NRSN1: variants seen among roughly 807,000 people sequenced by gnomAD.
NRSN1 encodes the protein neurensin 1.
A neutral mutation model predicts 17.3 loss-of-function variants in NRSN1; 14 were observed. The observed-to-expected ratio is 0.81, with a 90% confidence interval of 0.54 to 1.27. The LOEUF (loss-of-function observed/expected upper bound fraction) is 1.27. Ranked by LOEUF, NRSN1 falls within the 50% of genes most tolerant of loss-of-function variation. The pLI, the probability that NRSN1 is intolerant of heterozygous loss-of-function variation, is 0.00. For missense variants in NRSN1, 209 were observed against 235.9 expected (o/e 0.89, Z 0.75); for synonymous variants, 79 against 94.2 (o/e 0.84, Z 0.93).
intron 2 of NRSN1, chr6:24,129,749 A>G (rs1760000493): frequency 6.6e-6 from 1 of 152,200 alleles, no homozygotes; most frequent in Non-Finnish European, 1.5e-5. Flanking sequence ...ATAACAGTGC[A>G]TGCAATTGAG....
intron 2 of NRSN1, among the ~76,000 whole-genome samples, chr6:24,130,680 TA>T (rs1461589219): frequency 6.6e-6 from 1 of 152,168 alleles, no homozygotes; most frequent in Non-Finnish European, 1.5e-5. Flanking sequence ...AGCAAGTAAC[TA>T]ACCTAACTAG....
intron 2 of NRSN1, among the ~76,000 whole-genome samples, chr6:24,132,819 T>C (rs1481993687): frequency 6.6e-6 from 1 of 152,182 alleles, no homozygotes; most frequent in Admixed American, 6.5e-5. Context: ...GCATTAGGTA[T>C]TTGTCCTAAT....
chr6:24,137,914 CA>C (rs1445850550), intron 3 of NRSN1, among the ~76,000 whole-genome samples: 3 of 151,954 alleles, frequency 2.0e-5, no homozygotes, highest in Non-Finnish European at 4.4e-5. Context: ...AAAAGTATTG[CA>C]AAAGCTAAGA....
At position 24,145,693 on chromosome 6, in the gene NRSN1, T is replaced by C; in HGVS notation, c.335T>C (p.Leu112Pro). ...DTHAVQFNSA[L>P]DMYKLAGAVL... ...CATGCTGTCCAGTTTAACAGTGCTC[T>C]GGACATGTACAAGCTGGCAGGAGCT... The change falls in exon 4 of 4, where the codon CTG (leucine) becomes CCG (proline). Residue 112 changes from leucine (L) to proline (P), a missense_variant. Transcript: ENST00000378491. This position sits in a 1 kb window ranked among gnomAD's most constrained non-coding sequence, Gnocchi z 4.4. 1 of 1,614,240 alleles carries C rather than the reference T, an allele frequency of 6.2e-7. No individual in the cohort carries two copies. The highest frequency in any genetic ancestry group is 1.1e-5 in the South Asian group (1 of 91,082).
chr6:24,135,030 G>A (rs1304506338), intron 3 of NRSN1, among the ~76,000 whole-genome samples: 1 of 152,218 alleles, frequency 6.6e-6, no homozygotes, highest in Non-Finnish European at 1.5e-5. Context: ...AATCTCATTA[G>A]ACAATGTATT....
intron 1 of NRSN1, among the ~76,000 whole-genome samples, chr6:24,126,625 C>A (rs1159983706): frequency 6.6e-6 from 1 of 152,050 alleles, no homozygotes; most frequent in East Asian, 1.9e-4. Flanking sequence ...GGGTGGGGCA[C>A]GAGGGGCGTA....
At chr6:24,137,950 A>G (rs977310773) in intron 3 of NRSN1, among the ~76,000 whole-genome samples, 21 of 152,284 alleles carry the variant, frequency 1.4e-4, no homozygotes, top group African/African-American at 5.1e-4. Flanking sequence ...CAGCATGTTC[A>G]GGAGACTGCA....
At position 24,146,728 on chromosome 6, in the gene NRSN1, T is replaced by A. The variant is rs149130812; in HGVS notation, c.*782T>A. ...CAGGATCTTGCTGTCCAATTTTTTT[T>A]AAAAAGCTAAAATTGCCAACTTTAG... On this transcript the variant is annotated 3_prime_UTR_variant, in exon 4 of 4. Coordinates refer to ENST00000378491, the MANE Select transcript of NRSN1 (RefSeq NM_080723.5). 8.2e-3 allele frequency: 1,267 copies of A among 153,778 alleles called. 17 individuals carry two copies. The highest frequency in any genetic ancestry group is 0.024 in the African/African-American group (993 of 41,552). 9.5% of individuals were successfully genotyped at this position (153,778 alleles called of 1,614,324 possible).
At chr6:24,133,008 C>G (rs1456316848) in intron 2 of NRSN1, among the ~76,000 whole-genome samples, 1 of 152,056 alleles carries the variant, frequency 6.6e-6, no homozygotes, top group Non-Finnish European at 1.5e-5. Flanking sequence ...CTGACAATTC[C>G]CTTATTCAAC....
intron 3 of NRSN1, among the ~76,000 whole-genome samples, chr6:24,134,971 C>T (rs375525594): frequency 6.6e-6 from 1 of 152,132 alleles, no homozygotes; most frequent in Non-Finnish European, 1.5e-5. Context: ...CCGTCTCTAC[C>T]GAGTGTGTGA....
In NRSN1 at chr6:24,136,543, C is replaced by CAA. The variant is rs35922116; in HGVS notation, c.189+2038_189+2039dup. 7.8e-4 allele frequency among the ~76,000 whole-genome samples: 110 copies of CAA among 141,532 alleles called. 1 individual carries two copies. In the East Asian group the frequency reaches 0.014, roughly 18 times the overall value. 92.9% of individuals were successfully genotyped at this position (141,532 alleles called of 152,430 possible). A position where few individuals can be genotyped will look rare whatever the true frequency, so the allele number is the denominator to read the frequency against. ...TGTGGGTGGTTGTTTCCCTATTTGT[C>CAA]AAAAAAAAAAAAGCATTTGCCTGAC... On this transcript the variant is annotated intron_variant, in intron 3 of 3. Coordinates refer to ENST00000378491, the MANE Select transcript of NRSN1 (RefSeq NM_080723.5).
Position 24,146,241 on chromosome 6 carries a change from CG to C in NRSN1, c.*296del. 3 of 620,690 alleles carry C rather than the reference CG, an allele frequency of 4.8e-6. No homozygotes were observed. The highest frequency in any genetic ancestry group is 4.5e-5 in the South Asian group (3 of 65,958). The allele number at this position is 620,690 out of a possible 1,614,324, so 38.4% of individuals were successfully genotyped here. ...TAGATCGTGACTTTGTGTTATTTTC[CG>C]TGTTGTTTGAAAGTGCCGAACAGTT... is the stretch of plus-strand genomic sequence containing the variant. On this transcript the variant is annotated 3_prime_UTR_variant, in exon 4 of 4. Coordinates refer to ENST00000378491, the MANE Select transcript of NRSN1 (RefSeq NM_080723.5).
At chr6:24,133,828 T>C (rs963542048) in intron 2 of NRSN1, among the ~76,000 whole-genome samples, 3 of 151,808 alleles carry the variant, frequency 2.0e-5, no homozygotes, top group Non-Finnish European at 4.4e-5. Flanking sequence ...GAAAGACAGG[T>C]TTGTTGTTGT....
In NRSN1 at chr6:24,131,969, T is replaced by C. The variant is rs541733739; in HGVS notation, c.-9-2350T>C. Among the ~76,000 whole-genome samples the C allele has an allele frequency of 5.9e-5, 9 of 151,896 alleles. No individual in the cohort carries two copies. In the East Asian group the frequency reaches 1.6e-3, roughly 26 times the overall value. On this transcript the variant is annotated intron_variant, in intron 2 of 3. Coordinates refer to ENST00000378491, the MANE Select transcript of NRSN1 (RefSeq NM_080723.5). ...GGGGGAGTGCAGGTGTGGGTGTGTA[T>C]GTGTAGACTCTTGCCTCCCTGCACT...
chr6:24,134,995 T>C (rs1760095121), intron 3 of NRSN1, among the ~76,000 whole-genome samples: 1 of 152,236 alleles, frequency 6.6e-6, no homozygotes, highest in Admixed American at 6.5e-5. Context: ...TGAGGCTTTC[T>C]GACCCCAGCT....
At chr6:24,135,395 T>G (rs1189582498) in intron 3 of NRSN1, among the ~76,000 whole-genome samples, 2 of 152,080 alleles carry the variant, frequency 1.3e-5, no homozygotes, top group Non-Finnish European at 2.9e-5. Flanking sequence ...GGGAACAAGT[T>G]TGGTGTGTTT....
At chr6:24,126,522 A>G (rs193181524) in intron 1 of NRSN1, among the ~76,000 whole-genome samples, 182 bp downstream of exon 1, 2 of 152,126 alleles carry the variant, frequency 1.3e-5, no homozygotes, top group East Asian at 3.9e-4. Context: ...TCCACAAAAA[A>G]CATGCGTATT....
chr6:24,137,244 T>C (rs774701820), intron 3 of NRSN1, among the ~76,000 whole-genome samples: 8 of 152,164 alleles, frequency 5.3e-5, no homozygotes, highest in Non-Finnish European at 1.0e-4. Context: ...AGAAAGGAGA[T>C]TGAAATCAAA....
intron 3 of NRSN1, among the ~76,000 whole-genome samples, chr6:24,143,744 TAAG>T (rs1438195120): frequency 2.0e-5 from 3 of 152,344 alleles, no homozygotes; most frequent in East Asian, 1.9e-4. Flanking sequence ...TCTTTCCAAA[TAAG>T]AAGAATAGCT....
Sources: gnomAD v4.1 joint callset for allele counts (sites outside exome capture counted in the v4.1 genomes callset) on GRCh38, gnomAD v4.1.1 for gene constraint, Gnocchi (gnomAD v3.1) non-coding constraint, MANE v1.5 for transcripts, NCBI Gene and HGNC (gene_info 2026-07-23, HGNC 2026-07-21) for gene names.